Variants in DNAH2 observed in about 807,000 individuals in gnomAD.
DNAH2 encodes the protein dynein axonemal heavy chain 2, also known as axonemal beta dynein heavy chain 2.
Under a neutral mutation model 523.5 loss-of-function variants are expected in DNAH2, and 323 were observed. That is an observed-to-expected ratio of 0.62 (90% CI 0.56 to 0.68). The LOEUF (loss-of-function observed/expected upper bound fraction) is 0.68. Ranked by LOEUF, DNAH2 falls within the 30% of genes least tolerant of loss-of-function variation. DNAH2 has a pLI of 0.00. For synonymous variants in DNAH2, 2,093 were observed against 2,177.4 expected, an observed-to-expected ratio of 0.96 and a Z score of 1.08; for missense variants, 4,907 against 5,701.5, an observed-to-expected ratio of 0.86 and a Z score of 4.49.
At position 7,818,780 on chromosome 17, in the gene DNAH2, A is replaced by G; in HGVS notation, c.10670+4A>G. The G allele has an allele frequency of 6.2e-7, 1 of 1,614,002 alleles. No individual in the cohort carries two copies. ...AGCTGGAGGATGAGATCCTGCGGTG[A>G]GGCCCTGCCTTCCCCTCCCACTGCC... is the stretch of plus-strand genomic sequence containing the variant. On this transcript the variant is annotated splice_donor_region_variant and intron_variant, in intron 70 of 85. Transcript: ENST00000572933.
At chr17:7,737,000 A>G in intron 7 of DNAH2, 67 bp from the exon 8 acceptor site, 2 of 1,383,650 alleles carry the variant, frequency 1.4e-6, no homozygotes, top group East Asian at 2.3e-5. Context: ...TAAATAAATA[A>G]AAGCACTTGT....
chr17:7,725,932 A>G (rs932044866), intron 3 of DNAH2, among the ~76,000 whole-genome samples: 1 of 152,088 alleles, frequency 6.6e-6, no homozygotes, highest in Non-Finnish European at 1.5e-5. Context: ...TCCTTCTTCC[A>G]GGAGGAAAGA....
At chr17:7,741,296 T>TTCTTTCTTTCTTTCTTC (rs1567624948) in intron 11 of DNAH2, among the ~76,000 whole-genome samples, 2 of 41,826 alleles carry the variant, frequency 4.8e-5, no homozygotes, top group East Asian at 2.4e-3. Context: ...CTTTCTTTCT[T>TTCTTTCTTTCTTTCTTC]CCTTCCTTCC....
At chr17:7,820,600 G>A (rs2077824103) in intron 72 of DNAH2, among the ~76,000 whole-genome samples, 2 of 152,328 alleles carry the variant, frequency 1.3e-5, no homozygotes, top group South Asian at 4.1e-4. Flanking sequence ...AAGTCCAGCA[G>A]GCAGGGACAT....
At chr17:7,796,441 A>C (rs2077065081) in intron 49 of DNAH2, 23 bp from the exon 50 acceptor site, 2 of 1,612,116 alleles carry the variant, frequency 1.2e-6, no homozygotes, top group African/African-American at 1.3e-5. Flanking sequence ...AGCCCTGGAG[A>C]GTGAGCCAGG....
Position 7,814,419 on chromosome 17 carries a change from A to T in DNAH2, c.9730-2152A>T, listed in dbSNP as rs1377415049. Among the ~76,000 whole-genome samples the T allele has an allele frequency of 2.0e-5, 3 of 152,212 alleles. No individual in the cohort carries two copies. In the East Asian group the frequency reaches 5.8e-4, roughly 29 times the overall value. On this transcript the variant is annotated intron_variant, in intron 63 of 85. Coordinates refer to ENST00000572933, the MANE Select transcript of DNAH2 (RefSeq NM_020877.5). ...TATATAGCAAAATGTTAACTGTGAAATCTAGCTGATGGGTGTTTCTAGGTT... is the reference window on the plus strand; with the variant it reads ...TATATAGCAAAATGTTAACTGTGAATTCTAGCTGATGGGTGTTTCTAGGTT...
At chr17:7,788,029 C>A in intron 43 of DNAH2, 32 bp downstream of exon 43, 2 of 1,613,268 alleles carry the variant, frequency 1.2e-6, no homozygotes, top group Non-Finnish European at 1.7e-6. Context: ...GGGAAAGTAA[C>A]CAGGGTGGCT....
At position 7,786,748 on chromosome 17, in the gene DNAH2, G is replaced by T. The variant is rs949181107; in HGVS notation, c.6466+61G>T. On this transcript the variant is annotated intron_variant, in intron 41 of 85. Transcript: ENST00000572933. This position sits in a 1 kb window ranked among gnomAD's most constrained non-coding sequence, Gnocchi z 7.5. ...CCTGAGTCTCCTAAGGGGGCAGGGA[G>T]TCTGGGGATAGGAAGTTCCAAGTTG... 12 of 1,601,470 alleles carry T rather than the reference G, an allele frequency of 7.5e-6. No individual in the cohort carries two copies. The African/African-American group carries it at 1.1e-4, about 14-fold the overall frequency.
intron 5 of DNAH2, 30 bp downstream of exon 5, chr17:7,733,345 C>A: frequency 6.2e-7 from 1 of 1,607,880 alleles, no homozygotes; most frequent in Non-Finnish European, 8.5e-7. Flanking sequence ...TGACTAGTTT[C>A]TCCTTAGTGT....
intron 39 of DNAH2, among the ~76,000 whole-genome samples, chr17:7,785,172 G>A (rs903689376): frequency 6.6e-6 from 1 of 151,472 alleles, no homozygotes; most frequent in African/African-American, 2.4e-5. Context: ...TGAGATTTCG[G>A]CTCACTGCAA....
In DNAH2 at chr17:7,770,857, G is replaced by A; in HGVS notation, c.4286G>A (p.Trp1429Ter). The part of the protein sequence containing the change: ...VKAFEKDVDH[W>*]ERCLSLILEV... ...GCCTTTGAGAAGGATGTGGACCACT[G>A]GGAACGCTGCCTCTCCCTCATTTTG... Residue 1429 changes from tryptophan (W) to a stop codon, truncating the protein, a stop_gained, in exon 27 of 86, where the codon TGG becomes TAG. Transcript: ENST00000572933. LOFTEE classifies it high-confidence loss of function. The A allele has an allele frequency of 6.2e-7, 1 of 1,614,180 alleles. No individual in the cohort carries two copies. The highest frequency in any genetic ancestry group is 1.1e-5 in the South Asian group (1 of 91,082).
Position 7,792,280 on chromosome 17 carries a change from C to T in DNAH2, c.7082C>T (p.Pro2361Leu). Reference sequence around the variant, plus strand: ...ACGGTATATGAGTATTTTGTGGACCCCAAAATACGGAGTTGGACATCATTT... The same window carrying T: ...ACGGTATATGAGTATTTTGTGGACCTCAAAATACGGAGTTGGACATCATTT... ...KDTVYEYFVD[P>L]KIRSWTSFED... The change falls in exon 46 of 86, where the codon CCC (proline) becomes CTC (leucine). Residue 2361 changes from proline to leucine, a missense_variant. Physicochemically the swap from Pro to Leu is moderately conservative, Grantham distance 98. Around this residue, in one of 3 missense-constraint regions of DNAH2, gnomAD observed 2,806 missense variants for 3,190.8 expected, o/e 0.88. Transcript: ENST00000572933. 6.2e-7 allele frequency: 1 copy of T among 1,613,954 alleles called. No individual in the cohort carries two copies. The highest frequency in any genetic ancestry group is 8.5e-7 in the Non-Finnish European group (1 of 1,179,964).
At chr17:7,819,120 T>A in intron 71 of DNAH2, 57 bp downstream of exon 71, 1 of 1,602,388 alleles carries the variant, frequency 6.2e-7, no homozygotes, top group Non-Finnish European at 8.5e-7. Flanking sequence ...TGCAACTCCA[T>A]CATGACGGCT....
Position 7,763,906 on chromosome 17 carries a change from G to T in DNAH2, c.3054G>T (p.Ser1018=). 1 of 1,614,182 alleles carries T rather than the reference G, an allele frequency of 6.2e-7. No individual in the cohort carries two copies. Among genetic ancestry groups the T allele is most frequent in the South Asian group, 1.1e-5 (1 of 91,088 alleles). ...TNIQFVLLDC[S]HLKFSLVQHC... is the part of the protein sequence containing the mutation. ...TCCAGTTTGTGCTGCTGGACTGTTC[G>T]CACCTCAAGTTCTCCCTGGTGCAGC... Residue 1018 remains serine, a synonymous_variant, in exon 19 of 86, where the codon TCG becomes TCT. Transcript: ENST00000572933.
rs190836804 is a variant in DNAH2 at position 7,753,294 on chromosome 17, G to A, written c.1905-3797G>A. 6.6e-5 allele frequency among the ~76,000 whole-genome samples: 10 copies of A among 152,242 alleles called. No homozygotes were observed. In the South Asian group the frequency reaches 1.2e-3, roughly 19 times the overall value. On this transcript the variant is annotated intron_variant, in intron 12 of 85. Coordinates refer to ENST00000572933, the MANE Select transcript of DNAH2 (RefSeq NM_020877.5). ...CATTGAGTTTGAGGTGCTTGTGCACGAGCAAGCAGGGCAGAGCTATCTAGT... is the reference window on the plus strand; with the variant it reads ...CATTGAGTTTGAGGTGCTTGTGCACAAGCAAGCAGGGCAGAGCTATCTAGT...
intron 64 of DNAH2, 43 bp from the exon 65 acceptor site, chr17:7,817,247 G>A: frequency 6.4e-7 from 1 of 1,572,792 alleles, no homozygotes; most frequent in Non-Finnish European, 8.6e-7. Flanking sequence ...GTCTCCCAGA[G>A]TGCTGGGGCC....
rs755629145 is a variant in DNAH2 at position 7,770,597 on chromosome 17, T to C, written c.4139T>C (p.Leu1380Pro). 19 of 1,614,104 alleles carry C rather than the reference T, an allele frequency of 1.2e-5. No homozygotes were observed. Among genetic ancestry groups the C allele is most frequent in the African/African-American group, 2.7e-5 (2 of 75,014 alleles). Reference sequence around the variant, plus strand: ...GCCAAGACCTGGGATGTGACTCAGCTCGACATAGTACCCTACAAGGATAAG... The same window carrying C: ...GCCAAGACCTGGGATGTGACTCAGCCCGACATAGTACCCTACAAGGATAAG... Reference protein sequence around the residue: ...NIAKTWDVTQLDIVPYKDKGH... With the variant: ...NIAKTWDVTQPDIVPYKDKGH... Residue 1380 changes from leucine to proline, a missense_variant, in exon 26 of 86, where the codon CTC (leucine) becomes CCC (proline). Physicochemically the swap from Leu to Pro is moderately conservative, Grantham distance 98 (BLOSUM62 -3). Around this residue, in one of 3 missense-constraint regions of DNAH2, gnomAD observed 2,806 missense variants for 3,190.8 expected, o/e 0.88. Coordinates refer to ENST00000572933, the MANE Select transcript of DNAH2 (RefSeq NM_020877.5).
rs2077396263 is a variant in DNAH2, at chr17:7,807,406, G to A, written c.9613-64G>A. ...ACAGACCCAGGTGGAAGGAGGGGATGCCTGGAGGTGAGGGGGTTGGTGGGT... is the reference window on the plus strand; with the variant it reads ...ACAGACCCAGGTGGAAGGAGGGGATACCTGGAGGTGAGGGGGTTGGTGGGT... On this transcript the variant is annotated intron_variant, in intron 62 of 85. Coordinates refer to ENST00000572933, the MANE Select transcript of DNAH2 (RefSeq NM_020877.5). The surrounding 1 kb of genome is among the most constrained non-coding windows in gnomAD (Gnocchi z 5.6). The A allele has an allele frequency of 1.2e-6, 2 of 1,605,644 alleles. No homozygotes were observed. The highest frequency in any genetic ancestry group is 1.1e-5 in the South Asian group (1 of 90,848).
chr17:7,735,507 C>T (rs1468325366), intron 7 of DNAH2, among the ~76,000 whole-genome samples: 2 of 152,066 alleles, frequency 1.3e-5, no homozygotes, highest in Non-Finnish European at 2.9e-5. Flanking sequence ...GGCACGATCT[C>T]GGCTCACTGC....
Sources: gnomAD v4.1 joint callset for allele counts (sites outside exome capture counted in the v4.1 genomes callset) on GRCh38, gnomAD v4.1.1 for gene constraint, gnomAD v4.1.1 regional missense constraint, Gnocchi (gnomAD v3.1) non-coding constraint, MANE v1.5 for transcripts, NCBI Gene and HGNC (gene_info 2026-07-23, HGNC 2026-07-21) for gene names.